MINK1: variants seen among roughly 807,000 people sequenced by gnomAD.
MINK1 encodes the protein misshapen-like kinase 1.
Under a neutral mutation model 178.4 loss-of-function variants are expected in MINK1, and 46 were observed. That is an observed-to-expected ratio of 0.26 (90% CI 0.20 to 0.33). MINK1 has a LOEUF of 0.33. Among genes scored for constraint, MINK1 ranks in the 10% least tolerant of loss-of-function variants. MINK1 has a pLI of 1.00. For missense variants in MINK1, 1,366 were observed against 1,814.9 expected, an observed-to-expected ratio of 0.75 and a Z score of 4.49; for synonymous variants, 797 against 709.7, an observed-to-expected ratio of 1.12 and a Z score of -1.96.
At chr17:4,848,638 G>A (rs1002717528) in intron 1 of MINK1, among the ~76,000 whole-genome samples, 1 of 152,180 alleles carries the variant, frequency 6.6e-6, no homozygotes, top group South Asian at 2.1e-4. Context: ...GGGATTACAG[G>A]CGTGAGCCAC....
intron 4 of MINK1, among the ~76,000 whole-genome samples, chr17:4,882,761 A>C (rs1334027615): frequency 6.6e-6 from 1 of 152,170 alleles, no homozygotes; most frequent in Non-Finnish European, 1.5e-5. Flanking sequence ...CTCACGTTTC[A>C]ATGTTTTACA....
chr17:4,892,927 G>C, intron 19 of MINK1, 52 bp from the exon 20 acceptor site: 1 of 1,482,884 alleles, frequency 6.7e-7, no homozygotes, highest in Non-Finnish European at 9.2e-7. Context: ...GTGTGGGCTT[G>C]AGGCCATCCC....
intron 19 of MINK1, 93 bp downstream of exon 19, chr17:4,892,861 C>T (rs545893786): frequency 5.2e-5 from 72 of 1,394,482 alleles, no homozygotes; most frequent in African/African-American, 5.8e-5. Context: ...GGCACCCACA[C>T]GGACAGGGAG....
rs1188651046 is a variant in MINK1 at position 4,891,619 on chromosome 17, C to G, written c.1904C>G (p.Ala635Gly). 28 of 1,602,528 alleles carry G rather than the reference C, an allele frequency of 1.7e-5. No homozygotes were observed. The highest frequency in any genetic ancestry group is 2.4e-5 in the Non-Finnish European group (28 of 1,175,226). The change falls in exon 16 of 32, where the codon GCT (alanine) becomes GGT (glycine). Residue 635 changes from alanine to glycine, a missense_variant. By Grantham distance (60) the Ala-to-Gly change is moderately conservative. Coordinates refer to ENST00000355280, the MANE Select transcript of MINK1 (RefSeq NM_153827.5). Reference protein sequence around the residue: ...APTATPSARGAVIRQNSDPTS... With the variant: ...APTATPSARGGVIRQNSDPTS... ...ACTGCCACGCCCAGTGCCCGAGGAG[C>G]TGTCATCCGCCAGAATTCAGACCCC...
chr17:4,859,559 G>A (rs1365211806), intron 1 of MINK1, among the ~76,000 whole-genome samples: 1 of 151,762 alleles, frequency 6.6e-6, no homozygotes. Context: ...AGGCTGAGGC[G>A]GATGGATCAC....
rs1328635479 is a variant in MINK1, at chr17:4,892,715, C to G, written c.2258C>G (p.Ala753Gly). The G allele has an allele frequency of 6.2e-7, 1 of 1,612,010 alleles. No homozygotes were observed. Among genetic ancestry groups the G allele is most frequent in the Admixed American group, 1.7e-5 (1 of 59,920 alleles). Residue 753 changes from alanine to glycine, a missense_variant, in exon 19 of 32, where the codon GCC becomes GGC. Physicochemically the swap from Ala to Gly is moderately conservative, Grantham distance 60 (BLOSUM62 0). Transcript: ENST00000355280. ...GAACGCTCGGACAGCGTCCTTCCAG[C>G]CTCTCACGGGCACCTCCCCCAGGCT... ...GWERSDSVLP[A>G]SHGHLPQAGS...
chr17:4,874,967 T>C (rs750789588), intron 1 of MINK1: 9 of 485,850 alleles, frequency 1.9e-5, no homozygotes, highest in Admixed American at 4.4e-5. Flanking sequence ...TCATTATGGC[T>C]CTAACAGGCC....
chr17:4,890,652 C>CAGG lies in MINK1; in HGVS notation c.1485_1486insGAG (p.Gln495_Leu496insGlu), dbSNP rs1356996093. ...GCAGCTTCAGAAACAGCAGCAGCAG[C>CAGG]AGCTCCTGCCTGGGGACAGGAAGCC... On this transcript the variant is annotated inframe_insertion, in exon 14 of 32. Coordinates refer to ENST00000355280, the MANE Select transcript of MINK1 (RefSeq NM_153827.5). 1 of 1,552,140 alleles carries CAGG rather than the reference C, an allele frequency of 6.4e-7. No individual in the cohort carries two copies. Among genetic ancestry groups the CAGG allele is most frequent in the Non-Finnish European group, 8.7e-7 (1 of 1,147,696 alleles).
rs377231150 is a variant in MINK1, at chr17:4,887,103, C to A, written c.950-7C>A. ...GGTGAGATAACTGCAGTGGCCTCCC[C>A]CTGCAGAGGAGACAGAATATGAGTA... On this transcript the variant is annotated splice_region_variant and splice_polypyrimidine_tract_variant and intron_variant, in intron 10 of 31. Coordinates refer to ENST00000355280, the MANE Select transcript of MINK1 (RefSeq NM_153827.5). This position sits in a 1 kb window ranked among gnomAD's most constrained non-coding sequence, Gnocchi z 7.6. 6.9e-6 allele frequency: 11 copies of A among 1,585,890 alleles called. No individual in the cohort carries two copies. In the African/African-American group the frequency reaches 1.3e-4, roughly 19 times the overall value.
At chr17:4,878,838 C>T (rs1967434939) in intron 2 of MINK1, among the ~76,000 whole-genome samples, 1 of 152,212 alleles carries the variant, frequency 6.6e-6, no homozygotes, top group Non-Finnish European at 1.5e-5. Context: ...CTGCTGGGGC[C>T]AGAGCTCAGG....
rs1051081692 is a variant in MINK1 at position 4,885,170 on chromosome 17, T to TC, written c.508+171dup. Reference sequence around the variant, plus strand: ...GGAATGCCCTGCCTCCTGCTGAAAATCCCTCAGGAAGCTCTTCACCTGTCA... The same window carrying TC: ...GGAATGCCCTGCCTCCTGCTGAAAATCCCCTCAGGAAGCTCTTCACCTGTCA... On this transcript the variant is annotated intron_variant, in intron 6 of 31. Coordinates refer to ENST00000355280, the MANE Select transcript of MINK1 (RefSeq NM_153827.5). The surrounding 1 kb of genome is among the most constrained non-coding windows in gnomAD (Gnocchi z 5.0). Among the ~76,000 whole-genome samples, 20 of 152,116 alleles carry TC rather than the reference T, an allele frequency of 1.3e-4. No individual in the cohort carries two copies. Among genetic ancestry groups the TC allele is most frequent in the Middle Eastern group, 6.8e-3 (2 of 294 alleles).
chr17:4,887,871 G>A lies in MINK1; in HGVS notation c.1230+81G>A. On this transcript the variant is annotated intron_variant, in intron 12 of 31. Transcript: ENST00000355280. The surrounding 1 kb of genome is among the most constrained non-coding windows in gnomAD (Gnocchi z 7.6). ...GGTCCATTAGGGCCTTGGAGAACAG[G>A]TTTTAAAATGCCTTAAATGAATGGC... 5 of 1,127,398 alleles carry A rather than the reference G, an allele frequency of 4.4e-6. No homozygotes were observed. In the Middle Eastern group the frequency reaches 8.9e-4, roughly 200 times the overall value. The allele number at this position is 1,127,398 out of a possible 1,614,324, so 69.8% of individuals were successfully genotyped here. A position where few individuals can be genotyped will look rare whatever the true frequency, so the allele number is the denominator to read the frequency against.
chr17:4,850,370 C>A (rs1911745868), intron 1 of MINK1, among the ~76,000 whole-genome samples: 1 of 152,162 alleles, frequency 6.6e-6, no homozygotes, highest in South Asian at 2.1e-4. Flanking sequence ...AGGAAGTTCC[C>A]CTTCTGTCTC....
intron 20 of MINK1, 118 bp from the exon 21 acceptor site, chr17:4,893,316 G>A: frequency 5.6e-6 from 9 of 1,613,910 alleles, no homozygotes; most frequent in Non-Finnish European, 7.6e-6. Flanking sequence ...TGAGGTTAGT[G>A]AGATGGGCCT....
chr17:4,893,240 T>C, intron 20 of MINK1, 173 bp downstream of exon 20: 6 of 1,612,358 alleles, frequency 3.7e-6, no homozygotes, highest in Non-Finnish European at 5.1e-6. Flanking sequence ...CTAACCTCTC[T>C]CCTAACCTCT....
In MINK1 at chr17:4,885,907, A is replaced by G. The variant is rs201009851; in HGVS notation, c.640-4A>G. ...TTCACTTGTTCCTTCTTTCCCGTCT[A>G]TAGAGTGATATTTGGTCTCTAGGAA... On this transcript the variant is annotated splice_polypyrimidine_tract_variant and splice_region_variant and intron_variant, in intron 7 of 31. Transcript: ENST00000355280. This position sits in a 1 kb window ranked among gnomAD's most constrained non-coding sequence, Gnocchi z 5.0. 5.0e-6 allele frequency: 8 copies of G among 1,613,710 alleles called. No homozygotes were observed. The highest frequency in any genetic ancestry group is 5.1e-6 in the Non-Finnish European group (6 of 1,179,692).
chr17:4,892,642 T>C lies in MINK1; in HGVS notation c.2199-14T>C. ...CACCGTGCCTCCCTGACCCTGACTCTGCCCCCCCAACAGTAACCCCGACCT... is the reference window on the plus strand; with the variant it reads ...CACCGTGCCTCCCTGACCCTGACTCCGCCCCCCCAACAGTAACCCCGACCT... On this transcript the variant is annotated splice_polypyrimidine_tract_variant and intron_variant, in intron 18 of 31. Coordinates refer to ENST00000355280, the MANE Select transcript of MINK1 (RefSeq NM_153827.5). The C allele has an allele frequency of 6.3e-7, 1 of 1,589,256 alleles. No individual in the cohort carries two copies. The highest frequency in any genetic ancestry group is 8.6e-7 in the Non-Finnish European group (1 of 1,165,494).
intron 1 of MINK1, among the ~76,000 whole-genome samples, chr17:4,874,736 C>T (rs1967021810): frequency 6.6e-6 from 1 of 152,070 alleles, no homozygotes; most frequent in African/African-American, 2.4e-5. Flanking sequence ...CAGAGTGCCA[C>T]GTGCGGGACC....
chr17:4,884,558 G>A, intron 5 of MINK1, 85 bp downstream of exon 5: 1 of 1,030,364 alleles, frequency 9.7e-7, no homozygotes, highest in Non-Finnish European at 1.5e-6. Flanking sequence ...CCTGCGCTGG[G>A]AGGAGACATC....
Sources: gnomAD v4.1 joint callset for allele counts (sites outside exome capture counted in the v4.1 genomes callset) on GRCh38, gnomAD v4.1.1 for gene constraint, Gnocchi (gnomAD v3.1) non-coding constraint, MANE v1.5 for transcripts, NCBI Gene and HGNC (gene_info 2026-07-23, HGNC 2026-07-21) for gene names.